Variants in DHX33 observed in about 807,000 individuals in gnomAD.
The protein encoded by DHX33 is ATP-dependent RNA helicase DHX33.
Under a neutral mutation model 72.5 loss-of-function variants are expected in DHX33, and 42 were observed. The observed-to-expected ratio is 0.58, with a 90% CI of 0.45 to 0.75. The LOEUF is 0.75. Among genes scored for constraint, DHX33 ranks in the 30% least tolerant of loss-of-function variants. The pLI, the probability that DHX33 is intolerant of heterozygous loss-of-function variation, is 0.00. For missense variants in DHX33, 842 were observed against 917.5 expected (o/e 0.92, Z 1.06); for synonymous variants, 358 against 366.1 (o/e 0.98, Z 0.25).
In DHX33 at chr17:5,468,806, T is replaced by A; in HGVS notation, c.54A>T (p.Gly18=). 1 of 1,592,664 alleles carries A rather than the reference T, an allele frequency of 6.3e-7. No homozygotes were observed. The highest frequency in any genetic ancestry group is 8.5e-7 in the Non-Finnish European group (1 of 1,170,074). The change falls in exon 1 of 12, where the codon GGA becomes GGT. Residue 18 remains glycine (G), a synonymous_variant. Coordinates refer to ENST00000225296, the MANE Select transcript of DHX33 (RefSeq NM_020162.4). ...GGAAGGACCCAGCGCGGCTCGGAGG[T>A]CCAGAGCCTGGCCGGAATCTCTTGG... ...PPAKRFRPGS[G]PPSRAGSFPP... is the part of the protein sequence containing the mutation.
chr17:5,453,858 C>T lies in DHX33; in HGVS notation c.1270G>A (p.Glu424Lys). ...CYRLYTEDEF[E>K]KFDKMTVPEI... The stretch of plus-strand genomic sequence containing the variant: ...GGCACGGTCATCTTATCAAACTTCT[C>T]AAACTCGTCCTCCGTGTAGAGCCGG... Residue 424 changes from glutamate to lysine, a missense_variant, in exon 7 of 12, where the codon GAG becomes AAG. By Grantham distance (56) the Glu-to-Lys change is moderately conservative (BLOSUM62 1). Coordinates refer to ENST00000225296, the MANE Select transcript of DHX33 (RefSeq NM_020162.4). The T allele has an allele frequency of 1.9e-6, 3 of 1,614,142 alleles. No individual in the cohort carries two copies. The highest frequency in any genetic ancestry group is 2.5e-6 in the Non-Finnish European group (3 of 1,180,004).
chr17:5,456,087 G>C lies in DHX33; in HGVS notation c.945C>G (p.Leu315=). 1.9e-6 allele frequency: 3 copies of C among 1,614,024 alleles called. No homozygotes were observed. The highest frequency in any genetic ancestry group is 2.5e-6 in the Non-Finnish European group (3 of 1,180,046). The change falls in exon 5 of 12, where the codon CTC becomes CTG. Residue 315 remains leucine (L), a synonymous_variant. Coordinates refer to ENST00000225296, the MANE Select transcript of DHX33 (RefSeq NM_020162.4). ...SKTCRDIAKH[L]PDGCPAMLVL... ...CCAGCATCGCAGGGCAGCCGTCTGG[G>C]AGGTGCTTTGCAATGTCTCGGCACG...
intron 4 of DHX33, among the ~76,000 whole-genome samples, chr17:5,459,455 G>C (rs538142428): frequency 1.3e-5 from 2 of 151,864 alleles, no homozygotes; most frequent in East Asian, 1.9e-4. Context: ...CTTTTTTTGA[G>C]ATAGGATCTT....
At chr17:5,467,368 C>T (rs1418182501) in intron 1 of DHX33, among the ~76,000 whole-genome samples, 1 of 152,140 alleles carries the variant, frequency 6.6e-6, no homozygotes, top group Non-Finnish European at 1.5e-5. Context: ...CAGGAAGTAG[C>T]CAGAAAGAAC....
chr17:5,453,676 G>A lies in DHX33; in HGVS notation c.1308-8C>T. On this transcript the variant is annotated splice_region_variant and splice_polypyrimidine_tract_variant and intron_variant, in intron 7 of 11. Transcript: ENST00000225296. Reference sequence around the variant, plus strand: ...ACACTGGCCAGGTTACACCTGTGAAGAGCATGAGACCAGGGTCATGACCTG... The same window carrying A: ...ACACTGGCCAGGTTACACCTGTGAAAAGCATGAGACCAGGGTCATGACCTG... 1 of 1,614,084 alleles carries A rather than the reference G, an allele frequency of 6.2e-7. No individual in the cohort carries two copies. The highest frequency in any genetic ancestry group is 8.5e-7 in the Non-Finnish European group (1 of 1,179,962).
Position 5,444,937 on chromosome 17 carries a change from C to T in DHX33, c.1816-424G>A, listed in dbSNP as rs992127972. On this transcript the variant is annotated intron_variant, in intron 11 of 11. Coordinates refer to ENST00000225296, the MANE Select transcript of DHX33 (RefSeq NM_020162.4). The surrounding 1 kb of genome is among the most constrained non-coding windows in gnomAD (Gnocchi z 4.9). ...AAGCTAATCTACCTAAAGCACAACT[C>T]GAATCACTCTTCATCCACTCAAATA... Among the ~76,000 whole-genome samples the T allele has an allele frequency of 7.2e-5, 11 of 152,214 alleles. No individual in the cohort carries two copies. Among genetic ancestry groups the T allele is most frequent in the Middle Eastern group, 3.2e-3 (1 of 316 alleles).
rs769543397 is a variant in DHX33 at position 5,456,834 on chromosome 17, G to A, written c.850-652C>T. Among the ~76,000 whole-genome samples, 13 of 152,312 alleles carry A rather than the reference G, an allele frequency of 8.5e-5. 1 individual carries two copies. In the Middle Eastern group the frequency reaches 0.014, roughly 159 times the overall value. On this transcript the variant is annotated intron_variant, in intron 4 of 11. Transcript: ENST00000225296. ...TCCTAATCTATGGAAATGAACAGGCGCAGCCATGCTGGAGAAGGAGCCTTT... is the reference window on the plus strand; with the variant it reads ...TCCTAATCTATGGAAATGAACAGGCACAGCCATGCTGGAGAAGGAGCCTTT...
At chr17:5,453,548 C>T (rs778279312) in intron 8 of DHX33, 32 bp downstream of exon 8, 1 of 1,588,282 alleles carries the variant, frequency 6.3e-7, no homozygotes, top group South Asian at 1.1e-5. Context: ...GTCTCCTCAC[C>T]CACCTTCTGC....
intron 8 of DHX33, among the ~76,000 whole-genome samples, chr17:5,453,357 C>A (rs1917036586): frequency 6.6e-6 from 1 of 152,304 alleles, no homozygotes; most frequent in Non-Finnish European, 1.5e-5. Context: ...GTCACTGCAC[C>A]TCCACCTGGG....
chr17:5,456,004 G>T lies in DHX33; in HGVS notation c.1028C>A (p.Ala343Asp). ...YAQQLRVFQGAPKGYRKVIIS... is the reference protein window; with the variant it reads ...YAQQLRVFQGDPKGYRKVIIS... ...AAGAGGTGGTGCACTCACCTTTGGG[G>T]CCCCTTGGAAGACTCGGAGCTGCTG... The change falls in exon 5 of 12, where the codon GCC becomes GAC. Residue 343 changes from alanine (A) to aspartate (D), a missense_variant. By Grantham distance (126) the Ala-to-Asp change is moderately radical. Coordinates refer to ENST00000225296, the MANE Select transcript of DHX33 (RefSeq NM_020162.4). 6.2e-7 allele frequency: 1 copy of T among 1,612,024 alleles called. No homozygotes were observed. Among genetic ancestry groups the T allele is most frequent in the Non-Finnish European group, 8.5e-7 (1 of 1,179,792 alleles).
In DHX33 at chr17:5,450,407, C is replaced by A; in HGVS notation, c.1525-1G>T. Reference sequence around the variant, plus strand: ...GGAATTTGGGGGACATGAGGATGGTCTGCAAAGCAAAATTTAAAATTGTGT... The same window carrying A: ...GGAATTTGGGGGACATGAGGATGGTATGCAAAGCAAAATTTAAAATTGTGT... On this transcript the variant is annotated splice_acceptor_variant, in intron 9 of 11. Transcript: ENST00000225296. LOFTEE classifies it high-confidence loss of function. 1 of 1,613,388 alleles carries A rather than the reference C, an allele frequency of 6.2e-7. No homozygotes were observed. Among genetic ancestry groups the A allele is most frequent in the Non-Finnish European group, 8.5e-7 (1 of 1,179,430 alleles).
chr17:5,459,042 A>G (rs1037957599), intron 4 of DHX33, among the ~76,000 whole-genome samples: 3 of 151,210 alleles, frequency 2.0e-5, no homozygotes, highest in African/African-American at 7.3e-5. Context: ...TACAAAACAT[A>G]AAAAAAAATT....
In DHX33 at chr17:5,450,883, T is replaced by A; in HGVS notation, c.1448A>T (p.His483Leu). 4 of 1,614,180 alleles carry A rather than the reference T, an allele frequency of 2.5e-6. No individual in the cohort carries two copies. The highest frequency in any genetic ancestry group is 2.5e-6 in the Non-Finnish European group (3 of 1,180,028). The stretch of plus-strand genomic sequence containing the variant: ...AGTCAGGGTAAGCTGGTCATCCTTA[T>A]GTTCAAGAGCACCTAACAGGTCCAG... The part of the protein sequence containing the change: ...AQLDLLGALE[H>L]KDDQLTLTPM... Residue 483 changes from histidine to leucine, a missense_variant, in exon 9 of 12, where the codon CAT (histidine) becomes CTT (leucine). Transcript: ENST00000225296.
chr17:5,464,583 AAT>A (rs1290508648), intron 1 of DHX33, among the ~76,000 whole-genome samples: 1 of 152,240 alleles, frequency 6.6e-6, no homozygotes, highest in Non-Finnish European at 1.5e-5. Flanking sequence ...ATTCTAACAA[AAT>A]AAGTAAACAT....
intron 8 of DHX33, 56 bp downstream of exon 8, chr17:5,453,524 A>C: frequency 2.8e-6 from 4 of 1,414,370 alleles, no homozygotes; most frequent in Non-Finnish European, 4.0e-6. Flanking sequence ...GGAAGTGTCC[A>C]TTTGTTGTTG....
At chr17:5,458,086 T>C (rs1189272403) in intron 4 of DHX33, among the ~76,000 whole-genome samples, 1 of 152,102 alleles carries the variant, frequency 6.6e-6, no homozygotes, top group Non-Finnish European at 1.5e-5. Flanking sequence ...AGTCTGAGTA[T>C]AGAGTAGTTA....
chr17:5,451,024 T>C, intron 8 of DHX33, 90 bp from the exon 9 acceptor site: 1 of 1,490,932 alleles, frequency 6.7e-7, no homozygotes, highest in South Asian at 1.3e-5. Flanking sequence ...CTGATAATTC[T>C]ACATCAAACA....
intron 10 of DHX33, 107 bp downstream of exon 10, chr17:5,450,096 A>C: frequency 7.4e-7 from 1 of 1,349,598 alleles, no homozygotes; most frequent in Non-Finnish European, 1.0e-6. Flanking sequence ...TAGATAATTT[A>C]GCCAAAAAGG....
chr17:5,450,328 G>A lies in DHX33; in HGVS notation c.1603C>T (p.Leu535Phe). 3 of 1,614,164 alleles carry A rather than the reference G, an allele frequency of 1.9e-6. No homozygotes were observed. Among genetic ancestry groups the A allele is most frequent in the Non-Finnish European group, 2.5e-6 (3 of 1,180,040 alleles). ...TCTCGCCGGGAAGGAGGGTTGTGGA[G>A]GACGCTGTCCACAGACAGCAGGGAG... ...IVSLLSVDSV[L>F]HNPPSRREEV... Residue 535 changes from leucine (L) to phenylalanine (F), a missense_variant, in exon 10 of 12, where the codon CTC becomes TTC. Leu to Phe is a conservative substitution (Grantham distance 22). Transcript: ENST00000225296.
Sources: allele counts gnomAD v4.1 joint callset (sites outside exome capture counted in the v4.1 genomes callset), GRCh38; gene constraint gnomAD v4.1.1; non-coding constraint Gnocchi (gnomAD v3.1); transcripts MANE v1.5; gene names NCBI Gene and HGNC (gene_info 2026-07-23, HGNC 2026-07-21).